TPTE2: variants seen among roughly 807,000 people sequenced by gnomAD.
TPTE2 encodes the protein phosphatidylinositol 3,4,5-trisphosphate 3-phosphatase TPTE2.
In TPTE2, 53 loss-of-function variants were observed where a neutral mutation model predicts 78.6. The ratio of observed to expected loss-of-function variants is 0.67; its 90% CI spans 0.54 to 0.85. TPTE2 has a LOEUF of 0.85. Ranked by LOEUF, TPTE2 falls within the 40% of genes least tolerant of loss-of-function variation. The pLI, the probability that TPTE2 is intolerant of heterozygous loss-of-function variation, is 0.00. For missense variants in TPTE2, 461 were observed against 623.0 expected, an observed-to-expected ratio of 0.74 and a Z score of 2.77; for synonymous variants, 175 against 206.2, an observed-to-expected ratio of 0.85 and a Z score of 1.30.
chr13:19,544,445 T>C, the TPTE2 span, among the ~76,000 whole-genome samples: 10 of 151,866 alleles, frequency 6.6e-5, no homozygotes, highest in African/African-American at 2.4e-4. Flanking sequence ...TACTGGCACA[T>C]ATAACGCAAA....
upstream of TPTE2, among the ~76,000 whole-genome samples, chr13:19,506,382 C>T (rs1869042295): frequency 6.6e-6 from 1 of 151,092 alleles, no homozygotes; most frequent in Non-Finnish European, 1.5e-5. Context: ...ACCGTTTTAG[C>T]CGGGATGGTC....
At chr13:19,444,850 A>G (rs2137516068) in intron 13 of TPTE2, among the ~76,000 whole-genome samples, 2 of 152,364 alleles carry the variant, frequency 1.3e-5, no homozygotes, top group African/African-American at 4.8e-5. Context: ...AAGGTCAGAA[A>G]CAGATTCATG....
At chr13:19,489,141 C>T (rs1880830445) in intron 3 of TPTE2, among the ~76,000 whole-genome samples, 1 of 152,120 alleles carries the variant, frequency 6.6e-6, no homozygotes, top group South Asian at 2.1e-4. Context: ...GGGCATGGTT[C>T]GTGTTGCCCC....
chr13:19,422,934 T>C (rs1875708150), exon 20 of TPTE2: 2 of 986,010 alleles, frequency 2.0e-6, no homozygotes, highest in Non-Finnish European at 1.5e-6. Context: ...TATATAAATA[T>C]AGATGCATCA....
rs1875741186 is a variant in TPTE2 at position 19,423,243 on chromosome 13, T to C, written c.1467-79A>G. 4 of 1,113,034 alleles carry C rather than the reference T, an allele frequency of 3.6e-6. No individual in the cohort carries two copies. In the South Asian group the frequency reaches 6.7e-5, roughly 19 times the overall value. The allele number at this position is 1,113,034 out of a possible 1,614,324, so 68.9% of individuals were successfully genotyped here. ...CGCAGTTGGGTACCCACGTTAGAGCTGGAAGAAACAAAAAAAAACCTCACC... is the reference window on the plus strand; with the variant it reads ...CGCAGTTGGGTACCCACGTTAGAGCCGGAAGAAACAAAAAAAAACCTCACC... On this transcript the variant is annotated intron_variant, in intron 19 of 19. Transcript: ENST00000400230.
At chr13:19,456,764 A>G (rs2492393) in intron 10 of TPTE2, among the ~76,000 whole-genome samples, 152,224 of 152,304 alleles carry the variant, frequency 1, 76,072 homozygotes, top group Non-Finnish European at 1. Flanking sequence ...AATACTAACA[A>G]GGTGTGGGGG....
At chr13:19,537,098 C>T (rs913899250), upstream of TPTE2, among the ~76,000 whole-genome samples, 40 of 151,822 alleles carry the variant, frequency 2.6e-4, no homozygotes, top group African/African-American at 9.2e-4. Context: ...ACAAATGCTA[C>T]CTCAATATGG....
intron 17 of TPTE2, among the ~76,000 whole-genome samples, chr13:19,427,032 T>C (rs983875930): frequency 2.0e-5 from 3 of 150,920 alleles, no homozygotes; most frequent in Non-Finnish European, 2.9e-5. Context: ...AAGGCCAACA[T>C]GTTTAGGGTT....
intron 15 of TPTE2, among the ~76,000 whole-genome samples, chr13:19,435,600 C>T (rs1308409891): frequency 6.6e-6 from 1 of 152,034 alleles, no homozygotes; most frequent in African/African-American, 2.4e-5. Context: ...AAAGAAAAAA[C>T]AGAGTAACAG....
chr13:19,430,703 A>C (rs1876517526), intron 16 of TPTE2, among the ~76,000 whole-genome samples, 156 bp from the exon 20 acceptor site: 1 of 152,234 alleles, frequency 6.6e-6, no homozygotes, highest in African/African-American at 2.4e-5. Context: ...TTTGTCTTTG[A>C]AAGACAAGGC....
upstream of TPTE2, chr13:19,506,023 G>C (rs1333771948): frequency 3.3e-5 from 5 of 151,462 alleles, no homozygotes; most frequent in African/African-American, 1.2e-4. Flanking sequence ...GTATTTCCAA[G>C]GATATGCCTG....
At chr13:19,543,481 C>T in the TPTE2 span, among the ~76,000 whole-genome samples, 3 of 151,654 alleles carry the variant, frequency 2.0e-5, no homozygotes, top group Non-Finnish European at 4.4e-5. Context: ...CTCAGGCCCC[C>T]GTGTAGCTGG....
At chr13:19,485,526 A>C (rs903929384) in intron 3 of TPTE2, among the ~76,000 whole-genome samples, 1 of 152,046 alleles carries the variant, frequency 6.6e-6, no homozygotes, top group Non-Finnish European at 1.5e-5. Context: ...TCTGGGTTGA[A>C]TGTATTTGGG....
At chr13:19,515,690 A>G (rs1869748692) in intron 1 of TPTE2, among the ~76,000 whole-genome samples, 1 of 152,234 alleles carries the variant, frequency 6.6e-6, no homozygotes, top group Admixed American at 6.5e-5. Flanking sequence ...AGGATGAATA[A>G]TTGGATTGTT....
intron 6 of TPTE2, among the ~76,000 whole-genome samples, chr13:19,472,963 A>G (rs1353242580): frequency 6.6e-6 from 1 of 152,208 alleles, no homozygotes; most frequent in Admixed American, 6.5e-5. Flanking sequence ...TTATAGTGGT[A>G]CTGCCTTAAT....
At chr13:19,443,770 A>ACCCC (rs1566042353) in intron 13 of TPTE2, among the ~76,000 whole-genome samples, 1 of 137,694 alleles carries the variant, frequency 7.3e-6, no homozygotes, top group African/African-American at 2.5e-5. Flanking sequence ...ACACACACAC[A>ACCCC]CACACACACA....
chr13:19,503,662 C>G (rs1306741631), upstream of TPTE2, among the ~76,000 whole-genome samples: 4 of 152,190 alleles, frequency 2.6e-5, no homozygotes, highest in Non-Finnish European at 5.9e-5. Context: ...GATTGTCTCT[C>G]TTGGTCCACA....
Position 19,493,439 on chromosome 13 carries a change from ATTAC to A in TPTE2, c.65+5_65+8del. The A allele has an allele frequency of 6.2e-7, 1 of 1,613,550 alleles. No individual in the cohort carries two copies. The highest frequency in any genetic ancestry group is 8.5e-7 in the Non-Finnish European group (1 of 1,179,676). ...GACGGGTGACTTTATTTAACTATTT[ATTAC>A]TTACCTTTCTTTCGCAGGTGCCTCC... On this transcript the variant is annotated splice_donor_5th_base_variant and intron_variant, in intron 2 of 19. Coordinates refer to ENST00000400230, the Ensembl canonical transcript of TPTE2.
At position 19,514,820 on chromosome 13, in the gene TPTE2, A is replaced by G. The variant is rs191776101; in HGVS notation, c.-43-11543T>C. Reference sequence around the variant, plus strand: ...TAAAGTGGATTATGTGTTTACAATGATTTTGTTTTCTTTTTGTCTGGATTC... The same window carrying G: ...TAAAGTGGATTATGTGTTTACAATGGTTTTGTTTTCTTTTTGTCTGGATTC... On this transcript the variant is annotated intron_variant, in intron 1 of 17. Coordinates refer to the TPTE2 transcript ENST00000390680. Among the ~76,000 whole-genome samples the G allele has an allele frequency of 2.6e-5, 4 of 152,176 alleles. No individual in the cohort carries two copies. In the East Asian group the frequency reaches 7.7e-4, roughly 29 times the overall value.
Sources: allele counts gnomAD v4.1 joint callset (sites outside exome capture counted in the v4.1 genomes callset), GRCh38; gene constraint gnomAD v4.1.1; transcripts MANE v1.5; gene names NCBI Gene and HGNC (gene_info 2026-07-23, HGNC 2026-07-21).